The following DET1 variants were observed in gnomAD, a reference collection of about 807,000 sequenced individuals.
DET1 encodes DET1 partner of COP1 E3 ubiquitin ligase, also known as DET1 homolog.
In DET1, 22 loss-of-function variants were observed where a neutral mutation model predicts 43.7. The ratio of observed to expected loss-of-function variants is 0.50; its 90% confidence interval spans 0.36 to 0.72. DET1 has a LOEUF of 0.72. DET1 is among the 30% of genes least tolerant of loss of function. The pLI, the probability that DET1 is intolerant of heterozygous loss-of-function variation, is 0.00. For missense variants in DET1, 713 were observed against 713.3 expected (o/e 1.00, Z 0.00); for synonymous variants, 315 against 266.2 (o/e 1.18, Z -1.79).
Position 88,512,880 on chromosome 15 carries a change from C to T in DET1, c.*71G>A. 1 of 1,569,238 alleles carries T rather than the reference C, an allele frequency of 6.4e-7. No individual in the cohort carries two copies. The highest frequency in any genetic ancestry group is 1.2e-5 in the South Asian group (1 of 83,558). On this transcript the variant is annotated 3_prime_UTR_variant, in exon 5 of 5. Transcript: ENST00000268148. Reference sequence around the variant, plus strand: ...CAGAGCTAGTAGTCGGGAGCTTTTGCTTTGGAGTCCACTGAGATAAGTGAG... The same window carrying T: ...CAGAGCTAGTAGTCGGGAGCTTTTGTTTTGGAGTCCACTGAGATAAGTGAG...
downstream of DET1, chr15:88,511,470 C>T (rs2056200512): frequency 1.0e-6 from 1 of 985,442 alleles, no homozygotes; most frequent in East Asian, 1.1e-4. Context: ...TGCTGGGCCT[C>T]TCCTTGAAAC....
intron 1 of DET1, among the ~76,000 whole-genome samples, chr15:88,537,965 C>T (rs531467283): frequency 4.4e-4 from 67 of 152,354 alleles, no homozygotes; most frequent in Non-Finnish European, 7.9e-4. Context: ...CACTTGCATG[C>T]TTGTGTTTAA....
rs2056343903 is a variant in DET1, at chr15:88,516,308, A to G, written c.1463+474T>C. On this transcript the variant is annotated intron_variant, in intron 4 of 4. Coordinates refer to ENST00000268148, the MANE Select transcript of DET1 (RefSeq NM_001144074.3). This position sits in a 1 kb window ranked among gnomAD's most constrained non-coding sequence, Gnocchi z 4.4. ...AGACGTCAGTTTCAAACTTCTAACAATAACACAGTAGTCTACATTCCAAAA... is the reference window on the plus strand; with the variant it reads ...AGACGTCAGTTTCAAACTTCTAACAGTAACACAGTAGTCTACATTCCAAAA... 6.6e-6 allele frequency among the ~76,000 whole-genome samples: 1 copy of G among 152,254 alleles called. No individual in the cohort carries two copies. The highest frequency in any genetic ancestry group is 1.5e-5 in the Non-Finnish European group (1 of 68,046).
intron 3 of DET1, among the ~76,000 whole-genome samples, chr15:88,521,315 C>T (rs773570605): frequency 2.0e-5 from 3 of 152,242 alleles, no homozygotes; most frequent in African/African-American, 4.8e-5. Flanking sequence ...CTCAGTGAAG[C>T]CTATGCTGAC....
intron 3 of DET1, 142 bp from the exon 4 acceptor site, chr15:88,517,115 G>C (rs1020674182): frequency 1.6e-6 from 1 of 615,572 alleles, no homozygotes; most frequent in Non-Finnish European, 2.7e-6. Context: ...AGATAGAACT[G>C]TCTCTCACAC....
intron 3 of DET1, among the ~76,000 whole-genome samples, chr15:88,523,565 G>A (rs111327648): frequency 6.6e-6 from 1 of 152,244 alleles, no homozygotes; most frequent in East Asian, 1.9e-4. Flanking sequence ...TCAGTCTACC[G>A]AGTGCCTGGG....
chr15:88,512,666 T>C lies in DET1; in HGVS notation c.*285A>G, dbSNP rs2056224692. On this transcript the variant is annotated 3_prime_UTR_variant, in exon 5 of 5. Coordinates refer to ENST00000268148, the MANE Select transcript of DET1 (RefSeq NM_001144074.3). ...TCTAATGCTTTCATCTTCACAGCAA[T>C]CAAATGCAAAGTAAAGCAAAAATGA... 2 of 1,163,566 alleles carry C rather than the reference T, an allele frequency of 1.7e-6. No individual in the cohort carries two copies. The highest frequency in any genetic ancestry group is 2.1e-6 in the Non-Finnish European group (2 of 943,346). The allele number at this position is 1,163,566 out of a possible 1,614,324, so 72.1% of individuals were successfully genotyped here. A position where few individuals can be genotyped will look rare whatever the true frequency, so the allele number is the denominator to read the frequency against.
At chr15:88,523,848 G>A (rs1208832854) in intron 3 of DET1, among the ~76,000 whole-genome samples, 1 of 152,222 alleles carries the variant, frequency 6.6e-6, no homozygotes, top group East Asian at 1.9e-4. Context: ...TGCAGCCTCT[G>A]CCCGGCCGCC....
At chr15:88,535,339 G>T (rs201392857) in intron 1 of DET1, among the ~76,000 whole-genome samples, 1 of 147,980 alleles carries the variant, frequency 6.8e-6, no homozygotes, top group Non-Finnish European at 1.5e-5. Context: ...ACAAAAGAGG[G>T]AAAAAATAAA....
At chr15:88,505,157 T>G (rs1041371048) in intron 7 of DET1, 6 of 152,248 alleles carry the variant, frequency 3.9e-5, no homozygotes, top group African/African-American at 1.4e-4. Flanking sequence ...AGGAAGCATC[T>G]AACAAATCGA....
Position 88,526,941 on chromosome 15 carries a change from C to G in DET1, c.1271+658G>C, listed in dbSNP as rs1378747845. 2.0e-5 allele frequency among the ~76,000 whole-genome samples: 3 copies of G among 152,302 alleles called. No individual in the cohort carries two copies. In the East Asian group the frequency reaches 5.8e-4, roughly 29 times the overall value. On this transcript the variant is annotated intron_variant, in intron 3 of 4. Coordinates refer to ENST00000268148, the MANE Select transcript of DET1 (RefSeq NM_001144074.3). Reference sequence around the variant, plus strand: ...CCTTCAGAAGTATTTTCAGAGGCACCTGGGACCTCCAACTTCCTGACCCTT... The same window carrying G: ...CCTTCAGAAGTATTTTCAGAGGCACGTGGGACCTCCAACTTCCTGACCCTT...
intron 1 of DET1, among the ~76,000 whole-genome samples, chr15:88,546,013 C>G (rs1471089472): frequency 1.3e-5 from 2 of 151,506 alleles, no homozygotes; most frequent in Non-Finnish European, 2.9e-5. Flanking sequence ...TTTCCTGTAA[C>G]CATTTATCCT....
rs2056790935 is a variant in DET1, at chr15:88,530,820, T to C, written c.886A>G (p.Lys296Glu). ...CACAAATATACCAGCAACCGGTGTT[T>C]GAGGGAATTGATGAAAGGATCCCTA... ...PFRDPFINSLKHRLLVYLWRR... is the reference protein window; with the variant it reads ...PFRDPFINSLEHRLLVYLWRR... Residue 296 changes from lysine to glutamate, a missense_variant, in exon 2 of 5, where the codon AAA becomes GAA. Lys to Glu is a moderately conservative substitution (Grantham distance 56). Transcript: ENST00000268148. 1 of 1,613,938 alleles carries C rather than the reference T, an allele frequency of 6.2e-7. No homozygotes were observed. Among genetic ancestry groups the C allele is most frequent in the Non-Finnish European group, 8.5e-7 (1 of 1,179,860 alleles).
intron 1 of DET1, among the ~76,000 whole-genome samples, chr15:88,539,151 A>G (rs945746283): frequency 6.6e-6 from 1 of 151,994 alleles, no homozygotes; most frequent in East Asian, 1.9e-4. Context: ...AATCTCCAGG[A>G]AAGAAAAAAA....
chr15:88,512,299 C>G (rs559199022), downstream of DET1: 25 of 976,968 alleles, frequency 2.6e-5, no homozygotes, highest in East Asian at 1.5e-3. Context: ...AGCAAAAACC[C>G]GAGGGAAGGA....
chr15:88,531,154 T>C lies in DET1; in HGVS notation c.552A>G (p.Pro184=). The change falls in exon 2 of 5, where the codon CCA becomes CCG. Residue 184 remains proline, a synonymous_variant. Transcript: ENST00000268148. This position sits in a 1 kb window ranked among gnomAD's most constrained non-coding sequence, Gnocchi z 6.2. ...YRNSESVTPN[P]RSPLEDYSLH... is the part of the protein sequence containing the mutation. ...GGGAATAGTCTTCTAGAGGGGACCG[T>C]GGGTTGGGGGTCACTGATTCACTGT... is the stretch of plus-strand genomic sequence containing the variant. The C allele has an allele frequency of 6.2e-7, 1 of 1,613,784 alleles. No homozygotes were observed. Among genetic ancestry groups the C allele is most frequent in the Non-Finnish European group, 8.5e-7 (1 of 1,179,850 alleles).
Position 88,530,998 on chromosome 15 carries a change from T to C in DET1, c.708A>G (p.Gln236=), listed in dbSNP as rs923615475. 9 of 1,613,860 alleles carry C rather than the reference T, an allele frequency of 5.6e-6. No homozygotes were observed. Among genetic ancestry groups the C allele is most frequent in the Non-Finnish European group, 7.6e-6 (9 of 1,179,808 alleles). Residue 236 remains glutamine (Q), a synonymous_variant, in exon 2 of 5, where the codon CAA becomes CAG. Coordinates refer to ENST00000268148, the MANE Select transcript of DET1 (RefSeq NM_001144074.3). ...TCACCTGGAAGACATGGATGGTCTG[T>C]TGTTGCACAGACAAGATGGCCAGGA... The part of the protein sequence containing the change: ...KNILAILSVQ[Q]QTIHVFQVTP...
chr15:88,536,760 G>T lies in DET1; in HGVS notation c.-10-5045C>A, dbSNP rs558299784. On this transcript the variant is annotated intron_variant, in intron 1 of 4. Coordinates refer to ENST00000268148, the MANE Select transcript of DET1 (RefSeq NM_001144074.3). The stretch of plus-strand genomic sequence containing the variant: ...CACTCCAGCCTGGGCAACAGAGCAA[G>T]ACTCCATCTCAAAAAAAAAAAAAAA... Among the ~76,000 whole-genome samples, 19 of 95,950 alleles carry T rather than the reference G, an allele frequency of 2.0e-4. No homozygotes were observed. The East Asian group carries it at 3.8e-3, about 19-fold the overall frequency. 62.9% of individuals were successfully genotyped at this position (95,950 alleles called of 152,430 possible). A position where few individuals can be genotyped will look rare whatever the true frequency, so the allele number is the denominator to read the frequency against.
chr15:88,546,122 C>G (rs960667152), intron 1 of DET1: 1 of 152,388 alleles, frequency 6.6e-6, no homozygotes, highest in African/African-American at 2.4e-5. Context: ...GCCCCTTCCT[C>G]AGGGCCGAGA....
Sources: gnomAD v4.1 joint callset for allele counts (sites outside exome capture counted in the v4.1 genomes callset) on GRCh38, gnomAD v4.1.1 for gene constraint, Gnocchi (gnomAD v3.1) non-coding constraint, MANE v1.5 for transcripts, NCBI Gene and HGNC (gene_info 2026-07-23, HGNC 2026-07-21) for gene names.